DNAJC5B: variants seen among roughly 807,000 people sequenced by gnomAD.
DNAJC5B encodes the protein dnaJ homolog subfamily C member 5B.
A neutral mutation model predicts 24.7 loss-of-function variants in DNAJC5B; 23 were observed. That is an observed-to-expected ratio of 0.93 (90% CI 0.67 to 1.32). The LOEUF is 1.32. Among genes scored for constraint, DNAJC5B ranks in the 40% most tolerant of loss-of-function variants. The pLI is 0.00. For synonymous variants in DNAJC5B, 101 were observed against 90.1 expected, an observed-to-expected ratio of 1.12 and a Z score of -0.68; for missense variants, 238 against 240.8, an observed-to-expected ratio of 0.99 and a Z score of 0.08.
Position 66,080,405 on chromosome 8 carries a change from C to T in DNAJC5B, c.362C>T (p.Thr121Met), listed in dbSNP as rs200440195. ...KALFVIVGLL[T>M]GCYFCCCLCC... Reference sequence around the variant, plus strand: ...CTGTTTGTCATCGTTGGCCTCTTGACGGGCTGCTACTTTTGCTGCTGCCTG... The same window carrying T: ...CTGTTTGTCATCGTTGGCCTCTTGATGGGCTGCTACTTTTGCTGCTGCCTG... The change falls in exon 5 of 6, where the codon ACG becomes ATG. Residue 121 changes from threonine to methionine, a missense_variant. Coordinates refer to ENST00000276570, the MANE Select transcript of DNAJC5B (RefSeq NM_033105.6). 20 of 1,613,612 alleles carry T rather than the reference C, an allele frequency of 1.2e-5. No individual in the cohort carries two copies. Among genetic ancestry groups the T allele is most frequent in the Non-Finnish European group, 1.5e-5 (18 of 1,179,816 alleles).
intron 3 of DNAJC5B, among the ~76,000 whole-genome samples, chr8:66,062,584 A>T (rs1207833005): frequency 6.6e-6 from 1 of 152,216 alleles, no homozygotes. Context: ...TTTCTCTAGC[A>T]TGTTGGGTGC....
chr8:66,044,831 T>C (rs762751850), intron 2 of DNAJC5B, among the ~76,000 whole-genome samples: 1 of 152,220 alleles, frequency 6.6e-6, no homozygotes, highest in Non-Finnish European at 1.5e-5. Flanking sequence ...GATGAGGGAC[T>C]ATGAATAAAT....
rs530543269 is a variant in DNAJC5B, at chr8:66,092,913, C to T, written c.506-7024C>T. On this transcript the variant is annotated intron_variant, in intron 5 of 5. Transcript: ENST00000276570. ...CTGAAGTGTGGGGTACAGATCCTGTCACCCAGGTAGTGAGCATAGTACCCA... is the reference window on the plus strand; with the variant it reads ...CTGAAGTGTGGGGTACAGATCCTGTTACCCAGGTAGTGAGCATAGTACCCA... 7.2e-5 allele frequency among the ~76,000 whole-genome samples: 11 copies of T among 152,178 alleles called. No homozygotes were observed. The East Asian group carries it at 2.1e-3, about 29-fold the overall frequency.
At chr8:66,098,133 C>T (rs147545241) in intron 5 of DNAJC5B, among the ~76,000 whole-genome samples, 4,101 of 151,738 alleles carry the variant, frequency 0.027, 167 homozygotes, top group African/African-American at 0.092. Context: ...GGATTACAGG[C>T]GTGAGCCACT....
chr8:66,091,320 T>G (rs1209869776), intron 5 of DNAJC5B, among the ~76,000 whole-genome samples: 1 of 152,110 alleles, frequency 6.6e-6, no homozygotes, highest in African/African-American at 2.4e-5. Flanking sequence ...AAGTGAGCAC[T>G]TGGGGCCTCA....
chr8:66,085,898 C>T (rs1807713965), intron 5 of DNAJC5B, among the ~76,000 whole-genome samples: 1 of 152,070 alleles, frequency 6.6e-6, no homozygotes, highest in Non-Finnish European at 1.5e-5. Context: ...GAATTGACAT[C>T]TTTACTATGT....
chr8:66,051,832 A>G (rs934806231), intron 3 of DNAJC5B, among the ~76,000 whole-genome samples, 166 bp downstream of exon 3: 1 of 152,222 alleles, frequency 6.6e-6, no homozygotes, highest in Non-Finnish European at 1.5e-5. Flanking sequence ...AAGGCATGAC[A>G]GTGATTTTAT....
At chr8:66,068,653 T>G (rs1475400999) in intron 3 of DNAJC5B, among the ~76,000 whole-genome samples, 1 of 150,880 alleles carries the variant, frequency 6.6e-6, no homozygotes, top group Non-Finnish European at 1.5e-5. Flanking sequence ...AAAAGGAGAG[T>G]AGAAAGAGAA....
At chr8:66,026,933 T>G (rs1586059605) in intron 1 of DNAJC5B, among the ~76,000 whole-genome samples, 1 of 152,220 alleles carries the variant, frequency 6.6e-6, no homozygotes, top group African/African-American at 2.4e-5. Context: ...GTGCTTTAAT[T>G]TTTATTGTAT....
intron 3 of DNAJC5B, among the ~76,000 whole-genome samples, chr8:66,059,407 G>T (rs912800103): frequency 4.6e-5 from 7 of 152,174 alleles, no homozygotes; most frequent in Non-Finnish European, 1.5e-5. Flanking sequence ...AAACTGGTGT[G>T]TCTTGCCTTT....
intron 1 of DNAJC5B, among the ~76,000 whole-genome samples, chr8:66,040,693 C>G (rs1258395466): frequency 6.6e-6 from 1 of 152,080 alleles, no homozygotes; most frequent in African/African-American, 2.4e-5. Flanking sequence ...AGTGCATAAG[C>G]CCAGCCCCAC....
intron 5 of DNAJC5B, among the ~76,000 whole-genome samples, chr8:66,087,675 A>T (rs1807757331): frequency 6.6e-6 from 1 of 152,184 alleles, no homozygotes; most frequent in Non-Finnish European, 1.5e-5. Flanking sequence ...AAACAAAGGG[A>T]CCACAGGCCC....
intron 2 of DNAJC5B, among the ~76,000 whole-genome samples, chr8:66,045,568 C>G (rs1806704978): frequency 6.6e-6 from 1 of 152,046 alleles, no homozygotes; most frequent in Admixed American, 6.5e-5. Context: ...ATGGAATCTG[C>G]CTTTTTTTTT....
chr8:66,100,803 A>C lies in DNAJC5B; in HGVS notation c.*772A>C, dbSNP rs1463548267. On this transcript the variant is annotated 3_prime_UTR_variant, in exon 6 of 6. Transcript: ENST00000276570. ...AGATTAGCCAGACTAAGGGAAAAAA[A>C]ACAGATGAAGGGGTAGAACTCTATA... Among the ~76,000 whole-genome samples the C allele has an allele frequency of 6.6e-6, 1 of 152,208 alleles. No homozygotes were observed. Among genetic ancestry groups the C allele is most frequent in the Non-Finnish European group, 1.5e-5 (1 of 68,036 alleles).
chr8:66,073,867 T>C (rs1807405583), intron 3 of DNAJC5B, among the ~76,000 whole-genome samples: 1 of 152,144 alleles, frequency 6.6e-6, no homozygotes, highest in Non-Finnish European at 1.5e-5. Flanking sequence ...GGAAAAGCTA[T>C]AAAGATTTTA....
Position 66,053,755 on chromosome 8 carries a change from G to C in DNAJC5B, c.119+2089G>C, listed in dbSNP as rs1373211152. On this transcript the variant is annotated intron_variant, in intron 3 of 5. Coordinates refer to ENST00000276570, the MANE Select transcript of DNAJC5B (RefSeq NM_033105.6). Reference sequence around the variant, plus strand: ...AGCAATTCTCCTGCTTCGGTCTCCCGAGTAGCTGGGATTACAGGTGCCTGT... The same window carrying C: ...AGCAATTCTCCTGCTTCGGTCTCCCCAGTAGCTGGGATTACAGGTGCCTGT... Among the ~76,000 whole-genome samples the C allele has an allele frequency of 2.6e-5, 4 of 151,738 alleles. No homozygotes were observed. The South Asian group carries it at 6.3e-4, about 24-fold the overall frequency.
At chr8:66,035,814 G>A (rs7813023) in intron 1 of DNAJC5B, among the ~76,000 whole-genome samples, 26,553 of 152,128 alleles carry the variant, frequency 0.17, 4,275 homozygotes, top group African/African-American at 0.43. Flanking sequence ...GGGCATGGAA[G>A]TTCTTCCACA....
intron 3 of DNAJC5B, among the ~76,000 whole-genome samples, chr8:66,061,608 A>AGTGTGT (rs1196493152): frequency 1.5e-4 from 23 of 148,910 alleles, no homozygotes; most frequent in African/African-American, 5.8e-4. Flanking sequence ...AGAGAGAGAG[A>AGTGTGT]GAGTGTGTGT....
At chr8:66,084,576 G>A (rs550391135) in intron 5 of DNAJC5B, among the ~76,000 whole-genome samples, 9 of 152,194 alleles carry the variant, frequency 5.9e-5, no homozygotes, top group Admixed American at 2.0e-4. Context: ...GTTGAAAGCC[G>A]CCTGTGGTGG....
Sources: gnomAD v4.1 joint callset for allele counts (sites outside exome capture counted in the v4.1 genomes callset) on GRCh38, gnomAD v4.1.1 for gene constraint, MANE v1.5 for transcripts, NCBI Gene and HGNC (gene_info 2026-07-23, HGNC 2026-07-21) for gene names.